The following RABGAP1 variants were observed in gnomAD, a reference collection of about 807,000 sequenced individuals.
RABGAP1 encodes the protein rab GTPase-activating protein 1.
Under a neutral mutation model 137.6 loss-of-function variants are expected in RABGAP1, and 23 were observed. The observed-to-expected ratio is 0.17, with a 90% CI of 0.12 to 0.24. RABGAP1 has a LOEUF of 0.24. RABGAP1 is among the 10% of genes least tolerant of loss of function. The pLI is 1.00. For synonymous variants in RABGAP1, 451 were observed against 450.7 expected (o/e 1.00, Z -0.01); for missense variants, 906 against 1,275.8 (o/e 0.71, Z 4.42).
At chr9:123,038,605 A>G (rs1003709308) in intron 13 of RABGAP1, among the ~76,000 whole-genome samples, 1 of 152,180 alleles carries the variant, frequency 6.6e-6, no homozygotes, top group Non-Finnish European at 1.5e-5. Context: ...ATGTATTGTT[A>G]CATGAGCAAA....
At chr9:123,099,943 C>T (rs74621779) in intron 24 of RABGAP1, among the ~76,000 whole-genome samples, 1,583 of 152,242 alleles carry the variant, frequency 0.01, 7 homozygotes, top group Admixed American at 0.015. Context: ...GAGTTCATGC[C>T]TTCTGCTGTA....
chr9:123,045,515 A>G (rs1422497545), intron 13 of RABGAP1, among the ~76,000 whole-genome samples: 3 of 152,222 alleles, frequency 2.0e-5, no homozygotes, highest in Non-Finnish European at 2.9e-5. Context: ...TGTGTATTGT[A>G]GCCTATAGAA....
At chr9:123,064,741 A>C (rs2034111243) in intron 13 of RABGAP1, among the ~76,000 whole-genome samples, 1 of 152,196 alleles carries the variant, frequency 6.6e-6, no homozygotes, top group Admixed American at 6.5e-5. Context: ...GTTTTAGTTA[A>C]CTCATTATAG....
At chr9:123,047,893 ATATC>A (rs2033276535) in intron 13 of RABGAP1, among the ~76,000 whole-genome samples, 2 of 144,550 alleles carry the variant, frequency 1.4e-5, no homozygotes, top group Non-Finnish European at 3.0e-5. Flanking sequence ...AAGAGCAAAA[ATATC>A]TAGCCATTTT....
At chr9:122,962,216 G>T in intron 2 of RABGAP1, among the ~76,000 whole-genome samples, 1 of 151,554 alleles carries the variant, frequency 6.6e-6, no homozygotes, top group Non-Finnish European at 1.5e-5. Flanking sequence ...ATTGTTTCAA[G>T]TCCAACAGAG....
intron 13 of RABGAP1, among the ~76,000 whole-genome samples, chr9:123,047,785 C>T (rs561170504): frequency 2.9e-4 from 44 of 152,066 alleles, no homozygotes; most frequent in Middle Eastern, 3.4e-3. Context: ...AGACCTCTTA[C>T]GGAATTCTTA....
At position 122,995,600 on chromosome 9, in the gene RABGAP1, G is replaced by T. The variant is rs183398912; in HGVS notation, c.924-441G>T. Among the ~76,000 whole-genome samples the T allele has an allele frequency of 6.9e-4, 79 of 114,610 alleles. 1 individual carries two copies. In the East Asian group the frequency reaches 0.019, roughly 27 times the overall value. 75.2% of individuals were successfully genotyped at this position (114,610 alleles called of 152,430 possible). A position where few individuals can be genotyped will look rare whatever the true frequency, so the allele number is the denominator to read the frequency against. ...TTTTTTTTTTTTGAGATGTAGTCTC[G>T]CTCTGTCACCCATGCTGGAGTGTAG... On this transcript the variant is annotated intron_variant, in intron 6 of 25. Transcript: ENST00000373647.
At chr9:123,088,378 GTTTTT>G (rs376351749) in intron 19 of RABGAP1, among the ~76,000 whole-genome samples, 2 of 148,524 alleles carry the variant, frequency 1.3e-5, no homozygotes, top group African/African-American at 2.5e-5. Context: ...GCACACATCT[GTTTTT>G]TTTTTAATCA....
At chr9:122,995,751 C>T (rs982065070) in intron 6 of RABGAP1, among the ~76,000 whole-genome samples, 1 of 151,698 alleles carries the variant, frequency 6.6e-6, no homozygotes, top group Non-Finnish European at 1.5e-5. Flanking sequence ...GTATTTTTAA[C>T]AGAGATGGGG....
chr9:122,997,855 A>G (rs781224219), intron 9 of RABGAP1, among the ~76,000 whole-genome samples: 7 of 152,178 alleles, frequency 4.6e-5, no homozygotes, highest in Non-Finnish European at 5.9e-5. Context: ...CATTCTGAAA[A>G]TGTAATTTGC....
chr9:122,984,357 A>G (rs1334773954), intron 2 of RABGAP1, 128 bp from the exon 3 acceptor site: 2 of 802,644 alleles, frequency 2.5e-6, no homozygotes, highest in African/African-American at 1.7e-5. Flanking sequence ...TATTTTTAAA[A>G]AAAACATTCA....
At chr9:123,023,256 C>T (rs1488651364) in intron 13 of RABGAP1, among the ~76,000 whole-genome samples, 1 of 152,206 alleles carries the variant, frequency 6.6e-6, no homozygotes, top group East Asian at 1.9e-4. Context: ...TCTCAGCTCA[C>T]TGCAACCTCT....
chr9:122,975,625 C>T (rs1367212776), intron 2 of RABGAP1, among the ~76,000 whole-genome samples: 1 of 152,148 alleles, frequency 6.6e-6, no homozygotes, highest in Non-Finnish European at 1.5e-5. Flanking sequence ...TTTCAAACCT[C>T]AACTCTAATA....
At chr9:122,943,704 A>G (rs1833752441) in intron 1 of RABGAP1, among the ~76,000 whole-genome samples, 1 of 152,188 alleles carries the variant, frequency 6.6e-6, no homozygotes, top group South Asian at 2.1e-4. Flanking sequence ...CTGTAATCCC[A>G]GCACTTTGGG....
intron 13 of RABGAP1, among the ~76,000 whole-genome samples, chr9:123,031,436 T>C (rs538562611): frequency 6.6e-6 from 1 of 152,184 alleles, no homozygotes; most frequent in African/African-American, 2.4e-5. Context: ...AGAAAGGCAG[T>C]AAAGGAGCCA....
chr9:122,942,503 C>T (rs1422765415), intron 1 of RABGAP1, among the ~76,000 whole-genome samples: 1 of 151,924 alleles, frequency 6.6e-6, no homozygotes, highest in Non-Finnish European at 1.5e-5. Context: ...AACCAGGTCT[C>T]TACTGAAAAT....
intron 2 of RABGAP1, among the ~76,000 whole-genome samples, chr9:122,964,503 C>T (rs1025499926): frequency 3.3e-5 from 5 of 151,924 alleles, no homozygotes; most frequent in African/African-American, 4.8e-5. Context: ...AAGCATTTGA[C>T]GAAAATCTAA....
At chr9:122,998,220 C>G (rs1171179643) in intron 9 of RABGAP1, among the ~76,000 whole-genome samples, 1 of 152,122 alleles carries the variant, frequency 6.6e-6, no homozygotes, top group African/African-American at 2.4e-5. Flanking sequence ...CTACCTCAGC[C>G]TCCCAAATAT....
At chr9:123,085,367 G>C (rs1442234717) in intron 19 of RABGAP1, among the ~76,000 whole-genome samples, 1 of 152,158 alleles carries the variant, frequency 6.6e-6, no homozygotes, top group Non-Finnish European at 1.5e-5. Context: ...TGGCTCTCAG[G>C]AGACTTTCAA....
Sources: gnomAD v4.1 joint callset for allele counts (sites outside exome capture counted in the v4.1 genomes callset) on GRCh38, gnomAD v4.1.1 for gene constraint, MANE v1.5 for transcripts, NCBI Gene and HGNC (gene_info 2026-07-23, HGNC 2026-07-21) for gene names.